NELL1: variants seen among roughly 807,000 people sequenced by gnomAD.
NELL1 encodes protein kinase C-binding protein NELL1.
NELL1 carries 76 observed loss-of-function variants against 107.4 expected under a neutral mutation model. The observed-to-expected ratio is 0.71, with a 90% CI of 0.59 to 0.86. NELL1 has a LOEUF of 0.86. NELL1 is among the 40% of genes least tolerant of loss of function. The probability of loss-of-function intolerance (pLI) is 0.00; values close to 1 mark genes in which losing one functional copy is unlikely to be tolerated. For synonymous variants in NELL1, 353 were observed against 341.2 expected (o/e 1.03, Z -0.38); for missense variants, 1,024 against 1,005.5 (o/e 1.02, Z -0.25).
At chr11:20,757,459 G>A (rs1229483514) in intron 2 of NELL1, among the ~76,000 whole-genome samples, 1 of 152,132 alleles carries the variant, frequency 6.6e-6, no homozygotes, top group Non-Finnish European at 1.5e-5. Flanking sequence ...GCCAGCTTTA[G>A]CTGGACTCTT....
At chr11:20,840,522 G>C (rs984144592) in intron 3 of NELL1, among the ~76,000 whole-genome samples, 4 of 152,198 alleles carry the variant, frequency 2.6e-5, no homozygotes, top group African/African-American at 9.6e-5. Flanking sequence ...TATAATGGCT[G>C]TTGGCTGGGA....
intron 15 of NELL1, among the ~76,000 whole-genome samples, chr11:21,463,622 A>C (rs975767462): frequency 9.2e-5 from 14 of 152,226 alleles, no homozygotes; most frequent in South Asian, 2.1e-4. Flanking sequence ...AAGGATAAGA[A>C]CTACATCTGT....
intron 15 of NELL1, among the ~76,000 whole-genome samples, chr11:21,376,930 C>T (rs1945452): frequency 0.17 from 25,274 of 152,018 alleles, 2,203 homozygotes; most frequent in East Asian, 0.22. Flanking sequence ...CATTTATCAA[C>T]TCCAGAAGCC....
At chr11:20,778,643 C>G (rs1856796184) in intron 2 of NELL1, among the ~76,000 whole-genome samples, 1 of 151,596 alleles carries the variant, frequency 6.6e-6, no homozygotes, top group Non-Finnish European at 1.5e-5. Flanking sequence ...CACTTCTTAA[C>G]TAGAACATGC....
chr11:21,040,256 AACAAT>A (rs1853197545), intron 12 of NELL1, among the ~76,000 whole-genome samples: 1 of 152,100 alleles, frequency 6.6e-6, no homozygotes, highest in Admixed American at 6.6e-5. Context: ...TGAATGGTTG[AACAAT>A]ATCCTATCAC....
intron 14 of NELL1, among the ~76,000 whole-genome samples, chr11:21,298,946 A>G (rs1849434578): frequency 6.6e-6 from 1 of 152,106 alleles, no homozygotes; most frequent in South Asian, 2.1e-4. Flanking sequence ...GTATTTGTCT[A>G]GAGCACTCCA....
intron 15 of NELL1, among the ~76,000 whole-genome samples, chr11:21,465,245 C>T (rs1853998525): frequency 6.6e-6 from 1 of 151,980 alleles, no homozygotes; most frequent in African/African-American, 2.4e-5. Flanking sequence ...AGATATTAGA[C>T]TCTTAATAAT....
chr11:21,238,101 T>G (rs1858256838), intron 14 of NELL1, among the ~76,000 whole-genome samples: 1 of 152,162 alleles, frequency 6.6e-6, no homozygotes. Flanking sequence ...CATAGTAGAC[T>G]TCTCATTTCT....
intron 13 of NELL1, among the ~76,000 whole-genome samples, chr11:21,144,722 A>G (rs915677097): frequency 8.5e-5 from 13 of 152,218 alleles, no homozygotes; most frequent in Admixed American, 8.5e-4. Context: ...CAGGTAGAAG[A>G]CACTGAATAA....
rs530339690 is a variant in NELL1 at position 21,150,622 on chromosome 11, C to T, written c.1426+36908C>T. Among the ~76,000 whole-genome samples, 25 of 152,226 alleles carry T rather than the reference C, an allele frequency of 1.6e-4. 1 individual carries two copies. The South Asian group carries it at 4.8e-3, about 29-fold the overall frequency. Reference sequence around the variant, plus strand: ...CTGAGATAAAAGTATGCCTGGAAAGCAGATGGCATTGTTCTCAATCTTGTC... The same window carrying T: ...CTGAGATAAAAGTATGCCTGGAAAGTAGATGGCATTGTTCTCAATCTTGTC... On this transcript the variant is annotated intron_variant, in intron 13 of 19. Transcript: ENST00000357134.
Position 20,922,552 on chromosome 11 carries a change from A to G in NELL1, c.759+3218A>G, listed in dbSNP as rs866431800. Among the ~76,000 whole-genome samples, 3 of 152,036 alleles carry G rather than the reference A, an allele frequency of 2.0e-5. No homozygotes were observed. In the South Asian group the frequency reaches 6.2e-4, roughly 32 times the overall value. The stretch of plus-strand genomic sequence containing the variant: ...GGTTCGCAGATGCAAAAAGAATTCT[A>G]TGGCACTAAATTTATCTGGGCCCAG... On this transcript the variant is annotated intron_variant, in intron 7 of 19. Coordinates refer to ENST00000357134, the MANE Select transcript of NELL1 (RefSeq NM_006157.5).
intron 15 of NELL1, among the ~76,000 whole-genome samples, chr11:21,441,757 G>A (rs1354619734): frequency 6.6e-6 from 1 of 152,126 alleles, no homozygotes. Flanking sequence ...TCTGACATCA[G>A]TAGGTAGTAT....
chr11:20,993,533 C>T (rs139635703), intron 12 of NELL1, among the ~76,000 whole-genome samples: 195 of 152,190 alleles, frequency 1.3e-3, no homozygotes, highest in African/African-American at 4.6e-3. Context: ...GTACATTCAT[C>T]CCTCAGTGTC....
intron 3 of NELL1, among the ~76,000 whole-genome samples, chr11:20,785,871 G>A (rs1165952468): frequency 6.8e-6 from 1 of 146,202 alleles, no homozygotes; most frequent in Non-Finnish European, 1.5e-5. Context: ...TATTTGCAGG[G>A]TTTCTCTTTT....
chr11:21,284,832 A>G (rs1375718570), intron 14 of NELL1: 2 of 314,280 alleles, frequency 6.4e-6, no homozygotes, highest in African/African-American at 4.3e-5. Context: ...CCACATTAAT[A>G]CTGCAGTCTT....
intron 15 of NELL1, among the ~76,000 whole-genome samples, chr11:21,493,979 C>T (rs1854905725): frequency 1.3e-5 from 2 of 151,852 alleles, no homozygotes; most frequent in Non-Finnish European, 2.9e-5. Context: ...TTTTTCTCAG[C>T]ACAAACAACA....
intron 14 of NELL1, among the ~76,000 whole-genome samples, chr11:21,268,448 T>TA (rs1848677300): frequency 1.3e-5 from 2 of 152,130 alleles, no homozygotes; most frequent in Admixed American, 6.5e-5. Flanking sequence ...TAGGGGTTTT[T>TA]ATCAGAGCCT....
At chr11:21,267,777 C>T (rs1229296093) in intron 14 of NELL1, among the ~76,000 whole-genome samples, 1 of 152,090 alleles carries the variant, frequency 6.6e-6, no homozygotes, top group African/African-American at 2.4e-5. Flanking sequence ...TTATCCAGGG[C>T]TGCAGTCATT....
chr11:21,570,790 A>G lies in NELL1; in HGVS notation c.2007A>G (p.Thr669=). The G allele has an allele frequency of 6.2e-7, 1 of 1,611,538 alleles. No individual in the cohort carries two copies. The highest frequency in any genetic ancestry group is 1.7e-4 in the Middle Eastern group (1 of 6,034). ...CKDGKIFCRR[T]ACDCQNPSAD... ...ATGGCAAGATATTCTGCCGACGGAC[A>G]GCTTGTGATTGCCAGAATCCAAGTG... Residue 669 remains threonine (T), a synonymous_variant, in exon 18 of 20, where the codon ACA becomes ACG. Transcript: ENST00000357134.
Sources: allele counts gnomAD v4.1 joint callset (sites outside exome capture counted in the v4.1 genomes callset), GRCh38; gene constraint gnomAD v4.1.1; transcripts MANE v1.5; gene names NCBI Gene and HGNC (gene_info 2026-07-23, HGNC 2026-07-21).